Variants in KIF16B observed in about 807,000 individuals in gnomAD.
KIF16B encodes the protein kinesin family member 16B.
KIF16B carries 98 observed loss-of-function variants against 156.3 expected under a neutral mutation model. The ratio of observed to expected loss-of-function variants is 0.63; its 90% CI spans 0.53 to 0.74. KIF16B has a LOEUF of 0.74. KIF16B is among the 30% of genes least tolerant of loss of function. The probability of loss-of-function intolerance (pLI) is 0.00; values close to 1 mark genes in which losing one functional copy is unlikely to be tolerated. For synonymous variants in KIF16B, 564 were observed against 583.7 expected (o/e 0.97, Z 0.49); for missense variants, 1,421 against 1,606.5 (o/e 0.88, Z 1.97).
intron 11 of KIF16B, among the ~76,000 whole-genome samples, chr20:16,495,068 A>T (rs1401334497): frequency 8.2e-6 from 1 of 121,652 alleles, no homozygotes; most frequent in East Asian, 4.3e-4. Flanking sequence ...AACAGGAAAC[A>T]AAAAGTGATA....
At chr20:16,301,797 G>GC (rs1303844302) in intron 25 of KIF16B, among the ~76,000 whole-genome samples, 3 of 152,050 alleles carry the variant, frequency 2.0e-5, no homozygotes, top group Non-Finnish European at 4.4e-5. Context: ...TTACAGGCAT[G>GC]CACCACTACA....
At chr20:16,545,430 T>C (rs2070369068) in intron 1 of KIF16B, among the ~76,000 whole-genome samples, 3 of 151,128 alleles carry the variant, frequency 2.0e-5, no homozygotes, top group Admixed American at 2.0e-4. Context: ...TTTGGGAGGC[T>C]GAGGTGGGTG....
intron 22 of KIF16B, 114 bp downstream of exon 22, chr20:16,370,472 A>T: frequency 4.0e-6 from 3 of 755,154 alleles, no homozygotes; most frequent in Non-Finnish European, 6.1e-6. Context: ...ATTAGCCATT[A>T]ATCTTGCCGG....
At chr20:16,312,280 G>A (rs979556672) in intron 25 of KIF16B, 55 bp downstream of exon 25, 33 of 1,270,386 alleles carry the variant, frequency 2.6e-5, no homozygotes, top group East Asian at 7.0e-5. Context: ...AATTCTTACC[G>A]GTCAGATGGT....
chr20:16,329,223 G>A (rs2063907992), intron 24 of KIF16B, among the ~76,000 whole-genome samples: 2 of 152,040 alleles, frequency 1.3e-5, no homozygotes, highest in Admixed American at 1.3e-4. Context: ...GGTTTTAAAA[G>A]TTTTTTTCTC....
At chr20:16,499,219 T>A (rs562381990) in intron 10 of KIF16B, among the ~76,000 whole-genome samples, 57 of 152,082 alleles carry the variant, frequency 3.7e-4, no homozygotes, top group Non-Finnish European at 6.6e-4. Flanking sequence ...AGGCACATCC[T>A]CCAGGGGCCC....
chr20:16,538,624 T>C (rs1387156169), intron 1 of KIF16B, among the ~76,000 whole-genome samples: 1 of 152,184 alleles, frequency 6.6e-6, no homozygotes, highest in Non-Finnish European at 1.5e-5. Flanking sequence ...AAGGAAAAGA[T>C]TTAAAATACT....
chr20:16,518,663 T>A (rs1186620642), intron 3 of KIF16B, among the ~76,000 whole-genome samples: 1 of 152,218 alleles, frequency 6.6e-6, no homozygotes, highest in Non-Finnish European at 1.5e-5. Flanking sequence ...TTAATTTACA[T>A]GACTGTAGAT....
At chr20:16,556,464 C>T (rs58111663) in intron 1 of KIF16B, among the ~76,000 whole-genome samples, 9,359 of 152,250 alleles carry the variant, frequency 0.061, 965 homozygotes, top group African/African-American at 0.21. Context: ...ATAATCATGA[C>T]TGTATACATC....
At chr20:16,419,765 TAA>T (rs1414177956) in intron 15 of KIF16B, among the ~76,000 whole-genome samples, 1 of 152,072 alleles carries the variant, frequency 6.6e-6, no homozygotes, top group African/African-American at 2.4e-5. Flanking sequence ...ATAATTAAAA[TAA>T]GAGAGAATAG....
chr20:16,382,297 A>T (rs1211507961), intron 17 of KIF16B, among the ~76,000 whole-genome samples: 1 of 152,228 alleles, frequency 6.6e-6, no homozygotes, highest in African/African-American at 2.4e-5. Context: ...ATTTCCCAAT[A>T]ATTTCATGAA....
intron 25 of KIF16B, among the ~76,000 whole-genome samples, chr20:16,275,496 T>G (rs1234410285): frequency 1.3e-5 from 2 of 152,216 alleles, no homozygotes; most frequent in Non-Finnish European, 2.9e-5. Flanking sequence ...ACACTTGGCC[T>G]GGAATCACAT....
At chr20:16,404,373 C>T (rs1381374411) in intron 17 of KIF16B, among the ~76,000 whole-genome samples, 1 of 152,110 alleles carries the variant, frequency 6.6e-6, no homozygotes, top group Non-Finnish European at 1.5e-5. Context: ...CTCAGCAGTC[C>T]CCTAGTGTTC....
chr20:16,529,985 GAAGGAGT>G (rs150600257), intron 1 of KIF16B, among the ~76,000 whole-genome samples: 3,923 of 152,232 alleles, frequency 0.026, 56 homozygotes, highest in Middle Eastern at 0.079. Context: ...AATCTAATTG[GAAGGAGT>G]AGCAGAAACT....
chr20:16,341,572 T>C (rs2064139686), intron 23 of KIF16B, among the ~76,000 whole-genome samples: 1 of 152,246 alleles, frequency 6.6e-6, no homozygotes, highest in Non-Finnish European at 1.5e-5. Context: ...GATATTTTAA[T>C]AAACTCACAT....
intron 17 of KIF16B, among the ~76,000 whole-genome samples, chr20:16,399,726 T>TG (rs1376684730): frequency 1.3e-5 from 2 of 152,220 alleles, no homozygotes; most frequent in Non-Finnish European, 2.9e-5. Flanking sequence ...CCCTTCCTCT[T>TG]GACAACCTGC....
At chr20:16,284,807 C>T (rs1410198933) in intron 25 of KIF16B, among the ~76,000 whole-genome samples, 1 of 152,194 alleles carries the variant, frequency 6.6e-6, no homozygotes, top group Non-Finnish European at 1.5e-5. Context: ...GGCCACAGCA[C>T]AGTAGATGCC....
At chr20:16,383,403 A>G (rs945257233) in intron 17 of KIF16B, among the ~76,000 whole-genome samples, 1 of 152,206 alleles carries the variant, frequency 6.6e-6, no homozygotes, top group Non-Finnish European at 1.5e-5. Context: ...AGCAATGTTC[A>G]AATTTGTGAT....
intron 12 of KIF16B, among the ~76,000 whole-genome samples, chr20:16,487,980 C>A (rs1227331957): frequency 6.6e-6 from 1 of 152,154 alleles, no homozygotes; most frequent in African/African-American, 2.4e-5. Flanking sequence ...CCAACTTATA[C>A]AAATTGCTCA....
Sources: allele counts gnomAD v4.1 joint callset (sites outside exome capture counted in the v4.1 genomes callset), GRCh38; gene constraint gnomAD v4.1.1; transcripts MANE v1.5; gene names NCBI Gene and HGNC (gene_info 2026-07-23, HGNC 2026-07-21).